AHDC1: variants seen among roughly 807,000 people sequenced by gnomAD.
The protein encoded by AHDC1 is AT-hook DNA binding motif containing 1.
A neutral mutation model predicts 87.9 loss-of-function variants in AHDC1; 7 were observed. The observed-to-expected ratio is 0.08, with a 90% CI of 0.05 to 0.15. The LOEUF is 0.15. Ranked by LOEUF, AHDC1 falls within the 10% of genes least tolerant of loss-of-function variation. AHDC1 has a pLI of 1.00. For missense variants in AHDC1, 1,841 were observed against 2,253.2 expected, an observed-to-expected ratio of 0.82 and a Z score of 3.70; for synonymous variants, 1,051 against 1,006.8, an observed-to-expected ratio of 1.04 and a Z score of -0.83.
Position 27,603,440 on chromosome 1 carries a change from G to GA in AHDC1, c.-673_-672insT, listed in dbSNP as rs2089597573. 6.5e-6 allele frequency: 1 copy of GA among 152,812 alleles called. No homozygotes were observed. Among genetic ancestry groups the GA allele is most frequent in the East Asian group, 1.9e-4 (1 of 5,176 alleles). The allele number at this position is 152,812 out of a possible 1,614,324, so 9.5% of individuals were successfully genotyped here. ...GCTCCGTGGGTCCGAGCCAGGCGAG[G>GA]GGTTTTGGGGGACGTCTGTCTTCCG... On this transcript the variant is annotated 5_prime_UTR_variant, in exon 3 of 9. Transcript: ENST00000673934.
At chr1:27,537,933 TCTC>T (rs2018719776) in intron 8 of AHDC1, among the ~76,000 whole-genome samples, 1 of 152,090 alleles carries the variant, frequency 6.6e-6, no homozygotes, top group African/African-American at 2.4e-5. Flanking sequence ...AGGGGGCTGC[TCTC>T]CTCCAAAAAG....
intron 8 of AHDC1, among the ~76,000 whole-genome samples, chr1:27,541,648 GAC>G: frequency 7.1e-6 from 1 of 140,294 alleles, no homozygotes; most frequent in Non-Finnish European, 1.5e-5. Flanking sequence ...TTTTTTTTGA[GAC>G]AGAGTTTTTG....
In AHDC1 at chr1:27,560,345, C is replaced by T. The variant is rs1022715888; in HGVS notation, c.-628-1462G>A. On this transcript the variant is annotated intron_variant, in intron 3 of 8. Transcript: ENST00000673934. This position sits in a 1 kb window ranked among gnomAD's most constrained non-coding sequence, Gnocchi z 4.1. ...CTGGGTGTGCACACGCTTTGCCTGGCTCTCTGCATCTCGCTGTGTCAGGAG... is the reference window on the plus strand; with the variant it reads ...CTGGGTGTGCACACGCTTTGCCTGGTTCTCTGCATCTCGCTGTGTCAGGAG... Among the ~76,000 whole-genome samples, 2 of 152,064 alleles carry T rather than the reference C, an allele frequency of 1.3e-5. No homozygotes were observed. The highest frequency in any genetic ancestry group is 2.9e-5 in the Non-Finnish European group (2 of 68,022).
At chr1:27,601,954 G>C (rs528072014) in intron 3 of AHDC1, among the ~76,000 whole-genome samples, 19 of 152,316 alleles carry the variant, frequency 1.2e-4, no homozygotes, top group African/African-American at 4.3e-4. Flanking sequence ...AGGGAGCTGG[G>C]GCCAAGTCCC....
chr1:27,586,192 T>C (rs1166469948), intron 3 of AHDC1, among the ~76,000 whole-genome samples: 1 of 152,204 alleles, frequency 6.6e-6, no homozygotes, highest in African/African-American at 2.4e-5. Context: ...ATACTGTTTC[T>C]TGAGAGACAG....
intron 3 of AHDC1, among the ~76,000 whole-genome samples, chr1:27,568,636 G>A (rs2020427454): frequency 6.6e-6 from 1 of 152,068 alleles, no homozygotes; most frequent in Non-Finnish European, 1.5e-5. Context: ...AGCACCTGGA[G>A]TGATGTCGCT....
chr1:27,541,951 T>C (rs1237961929), intron 8 of AHDC1, among the ~76,000 whole-genome samples: 3 of 152,210 alleles, frequency 2.0e-5, no homozygotes, highest in Admixed American at 2.0e-4. Context: ...AACAAACACC[T>C]GTAAAAGGCT....
intron 3 of AHDC1, among the ~76,000 whole-genome samples, chr1:27,583,197 C>T (rs2088956750): frequency 6.6e-6 from 1 of 152,186 alleles, no homozygotes; most frequent in African/African-American, 2.4e-5. Context: ...TTAGCTAAGC[C>T]TCTCGAATCT....
Position 27,547,748 on chromosome 1 carries a change from G to A in AHDC1, c.4368C>T (p.Tyr1456=), listed in dbSNP as rs200725386. ...CTGTGCCCTTGCAGCTGGGGGAATCGTAGTGGGGCTGGCCCAGCGGCAGGT... is the reference window on the plus strand; with the variant it reads ...CTGTGCCCTTGCAGCTGGGGGAATCATAGTGGGGCTGGCCCAGCGGCAGGT... The part of the protein sequence containing the change: ...CRDLPLGQPH[Y]DSPSCKGTAY... Residue 1456 remains tyrosine, a synonymous_variant, in exon 8 of 9, where the codon TAC becomes TAT. Coordinates refer to ENST00000673934, the MANE Select transcript of AHDC1 (RefSeq NM_001371928.1). This position sits in a 1 kb window ranked among gnomAD's most constrained non-coding sequence, Gnocchi z 4.9. 4.1e-4 allele frequency: 655 copies of A among 1,592,326 alleles called. No homozygotes were observed. In the East Asian group the frequency reaches 0.012, roughly 28 times the overall value.
intron 3 of AHDC1, among the ~76,000 whole-genome samples, chr1:27,583,762 C>T (rs1011855046): frequency 3.3e-5 from 5 of 152,288 alleles, no homozygotes; most frequent in East Asian, 1.9e-4. Flanking sequence ...TCTTTGAACC[C>T]GATTCCTATC....
intron 3 of AHDC1, among the ~76,000 whole-genome samples, chr1:27,597,783 C>G (rs553729301): frequency 7.2e-5 from 11 of 152,228 alleles, no homozygotes; most frequent in East Asian, 5.8e-4. Context: ...CCCTCCCTCT[C>G]TCTGTCTGTC....
At chr1:27,583,959 G>A (rs2088977921) in intron 3 of AHDC1, among the ~76,000 whole-genome samples, 1 of 152,184 alleles carries the variant, frequency 6.6e-6, no homozygotes, top group Non-Finnish European at 1.5e-5. Flanking sequence ...GATTATGGTG[G>A]TAACAATAAG....
rs1444937162 is a variant in AHDC1, at chr1:27,540,653, T to TTC, written c.*44-5738_*44-5737insGA. On this transcript the variant is annotated intron_variant, in intron 8 of 8. Coordinates refer to ENST00000673934, the MANE Select transcript of AHDC1 (RefSeq NM_001371928.1). ...AGGAACTGACAGGTGGGAGATGGGGTAGGAAAGGGCCACCCAGGCCAGGAA... is the reference window on the plus strand; with the variant it reads ...AGGAACTGACAGGTGGGAGATGGGGTTCAGGAAAGGGCCACCCAGGCCAGGAA... Among the ~76,000 whole-genome samples, 16 of 150,940 alleles carry TTC rather than the reference T, an allele frequency of 1.1e-4. No individual in the cohort carries two copies. The East Asian group carries it at 3.1e-3, about 29-fold the overall frequency.
At position 27,566,334 on chromosome 1, in the gene AHDC1, A is replaced by C. The variant is rs2020312624; in HGVS notation, c.-628-7451T>G. 2.0e-5 allele frequency among the ~76,000 whole-genome samples: 3 copies of C among 150,930 alleles called. No homozygotes were observed. In the South Asian group the frequency reaches 6.3e-4, roughly 32 times the overall value. ...CCAGAGAGGGAGAGAGAGGGCGACC[A>C]TGCCAGAGGAAGGAAAACAGCAAGA... On this transcript the variant is annotated intron_variant, in intron 3 of 8. Transcript: ENST00000673934.
intron 8 of AHDC1, among the ~76,000 whole-genome samples, chr1:27,544,102 A>G (rs2019059567): frequency 6.6e-6 from 1 of 152,080 alleles, no homozygotes; most frequent in Non-Finnish European, 1.5e-5. Flanking sequence ...CTATCTGCCA[A>G]TGGATCCCCT....
At chr1:27,571,449 G>A (rs553396667) in intron 3 of AHDC1, among the ~76,000 whole-genome samples, 1 of 152,242 alleles carries the variant, frequency 6.6e-6, no homozygotes, top group East Asian at 1.9e-4. Context: ...AAGAAGCCAG[G>A]GCAGGAGCAG....
rs2148488665 is a variant in AHDC1, at chr1:27,595,927, G to A, written c.-629+7470C>T. Reference sequence around the variant, plus strand: ...GTGTGTGGAAGTGTGTGGGCTGGGTGTTGTAGGTGGAGCAGTTGTGTTTTA... The same window carrying A: ...GTGTGTGGAAGTGTGTGGGCTGGGTATTGTAGGTGGAGCAGTTGTGTTTTA... On this transcript the variant is annotated intron_variant, in intron 3 of 8. Coordinates refer to ENST00000673934, the MANE Select transcript of AHDC1 (RefSeq NM_001371928.1). The surrounding 1 kb of genome is among the most constrained non-coding windows in gnomAD (Gnocchi z 4.0). 6.6e-6 allele frequency among the ~76,000 whole-genome samples: 1 copy of A among 152,026 alleles called. No individual in the cohort carries two copies. Among genetic ancestry groups the A allele is most frequent in the Admixed American group, 6.5e-5 (1 of 15,270 alleles).
At chr1:27,568,917 C>G (rs2020446165) in intron 3 of AHDC1, among the ~76,000 whole-genome samples, 1 of 152,036 alleles carries the variant, frequency 6.6e-6, no homozygotes, top group Non-Finnish European at 1.5e-5. Context: ...TCAAACATAC[C>G]TACAGCCGCA....
At chr1:27,583,202 G>A (rs1251615946) in intron 3 of AHDC1, among the ~76,000 whole-genome samples, 2 of 152,072 alleles carry the variant, frequency 1.3e-5, no homozygotes, top group African/African-American at 2.4e-5. Context: ...TAAGCCTCTC[G>A]AATCTGTCAC....
Sources: allele counts gnomAD v4.1 joint callset (sites outside exome capture counted in the v4.1 genomes callset), GRCh38; gene constraint gnomAD v4.1.1; non-coding constraint Gnocchi (gnomAD v3.1); transcripts MANE v1.5; gene names NCBI Gene and HGNC (gene_info 2026-07-23, HGNC 2026-07-21).